Variants in KCTD20 observed in about 807,000 individuals in gnomAD.
KCTD20 encodes potassium channel tetramerization domain containing 20.
KCTD20 carries 30 observed loss-of-function variants against 39.6 expected under a neutral mutation model. The ratio of observed to expected loss-of-function variants is 0.76; its 90% CI spans 0.57 to 1.03. The LOEUF (loss-of-function observed/expected upper bound fraction) is 1.03. Ranked by LOEUF, KCTD20 falls within the 50% of genes least tolerant of loss-of-function variation. The pLI, the probability that KCTD20 is intolerant of heterozygous loss-of-function variation, is 0.00. For missense variants in KCTD20, 422 were observed against 522.0 expected (o/e 0.81, Z 1.87); for synonymous variants, 162 against 180.6 (o/e 0.90, Z 0.83).
At chr6:36,486,301 T>C (rs1776420983) in intron 7 of KCTD20, among the ~76,000 whole-genome samples, 1 of 152,198 alleles carries the variant, frequency 6.6e-6, no homozygotes, top group South Asian at 2.1e-4. Flanking sequence ...CCCATCAAAC[T>C]GTTTTACCAT....
At chr6:36,470,608 A>G (rs941974) in intron 2 of KCTD20, among the ~76,000 whole-genome samples, 2 of 151,606 alleles carry the variant, frequency 1.3e-5, no homozygotes, top group Non-Finnish European at 2.9e-5. Context: ...TTTTATTTTT[A>G]TTTTTATTTT....
rs1340468050 is a variant in KCTD20, at chr6:36,488,706, C to CT, written c.*1532dup. The CT allele has an allele frequency of 2.0e-5, 3 of 152,202 alleles. No individual in the cohort carries two copies. Among genetic ancestry groups the CT allele is most frequent in the African/African-American group, 7.2e-5 (3 of 41,444 alleles). The allele number at this position is 152,202 out of a possible 1,614,324, so 9.4% of individuals were successfully genotyped here. On this transcript the variant is annotated 3_prime_UTR_variant, in exon 8 of 8. Transcript: ENST00000373731. ...ATTTCGGATTTTTGGATTTGGGATG[C>CT]TCATCCTGTGTAGGAGAGGCTACTC...
At chr6:36,462,751 G>C (rs1275885205) in intron 1 of KCTD20, among the ~76,000 whole-genome samples, 1 of 152,130 alleles carries the variant, frequency 6.6e-6, no homozygotes, top group East Asian at 1.9e-4. Context: ...CTGTGTCTTA[G>C]GTAATACCCT....
At chr6:36,446,222 T>G (rs962045980) in intron 1 of KCTD20, among the ~76,000 whole-genome samples, 3 of 152,020 alleles carry the variant, frequency 2.0e-5, no homozygotes, top group African/African-American at 7.3e-5. Context: ...GGGACGGGAT[T>G]TCACCATGTT....
chr6:36,453,526 T>G (rs1180320526), intron 1 of KCTD20, among the ~76,000 whole-genome samples: 1 of 151,622 alleles, frequency 6.6e-6, no homozygotes, highest in African/African-American at 2.4e-5. Context: ...TGTTTTTTTT[T>G]TTTTTGAGAC....
intron 1 of KCTD20, among the ~76,000 whole-genome samples, chr6:36,466,336 G>T (rs1461418582): frequency 6.6e-6 from 1 of 151,260 alleles, no homozygotes; most frequent in African/African-American, 2.4e-5. Flanking sequence ...GGGCTGGGAT[G>T]ACAGGCATGA....
chr6:36,478,095 A>C (rs974390958), intron 3 of KCTD20, among the ~76,000 whole-genome samples: 1 of 99,844 alleles, frequency 1.0e-5, no homozygotes, highest in Non-Finnish European at 1.9e-5. Context: ...ACTCCATCTC[A>C]AAAAAAAAAA....
At chr6:36,461,367 G>T (rs188900963) in intron 1 of KCTD20, among the ~76,000 whole-genome samples, 450 of 152,294 alleles carry the variant, frequency 3.0e-3, no homozygotes, top group African/African-American at 0.01. Context: ...CACAGGAAAA[G>T]AGCATCTATT....
At chr6:36,484,032 A>C (rs1250186759) in intron 6 of KCTD20, among the ~76,000 whole-genome samples, 2 of 148,586 alleles carry the variant, frequency 1.3e-5, no homozygotes, top group African/African-American at 5.0e-5. Context: ...TTCTGCCTCC[A>C]GGGTTCAAGT....
chr6:36,476,034 G>A (rs897371460), intron 3 of KCTD20, among the ~76,000 whole-genome samples: 10 of 151,972 alleles, frequency 6.6e-5, no homozygotes, highest in African/African-American at 1.9e-4. Flanking sequence ...CCTCTTAACC[G>A]TCTCTGGCCC....
intron 1 of KCTD20, among the ~76,000 whole-genome samples, chr6:36,460,600 C>T (rs1432628753): frequency 6.6e-6 from 1 of 152,198 alleles, no homozygotes; most frequent in Non-Finnish European, 1.5e-5. Flanking sequence ...CCACCGCACC[C>T]AGCCTCACAA....
chr6:36,477,305 G>A (rs1392494284), intron 3 of KCTD20, among the ~76,000 whole-genome samples: 1 of 152,038 alleles, frequency 6.6e-6, no homozygotes, highest in Non-Finnish European at 1.5e-5. Flanking sequence ...TAATAAATGG[G>A]GGGATTATAG....
chr6:36,461,693 C>CT (rs1359654363), intron 1 of KCTD20, among the ~76,000 whole-genome samples: 1 of 152,086 alleles, frequency 6.6e-6, no homozygotes, highest in African/African-American at 2.4e-5. Flanking sequence ...CTCATATAGT[C>CT]TTTTATGTAA....
intron 3 of KCTD20, among the ~76,000 whole-genome samples, chr6:36,478,603 GC>G (rs1288820733): frequency 6.6e-6 from 1 of 152,050 alleles, no homozygotes; most frequent in East Asian, 1.9e-4. Context: ...CATTAACATA[GC>G]TGCATCTAAC....
chr6:36,460,649 C>T (rs144938873), intron 1 of KCTD20, among the ~76,000 whole-genome samples: 1 of 152,180 alleles, frequency 6.6e-6, no homozygotes, highest in African/African-American at 2.4e-5. Context: ...AAATCAACCC[C>T]CATCTGGAGG....
At chr6:36,472,563 GAAGAA>G (rs1483203092) in intron 2 of KCTD20, among the ~76,000 whole-genome samples, 1 of 151,322 alleles carries the variant, frequency 6.6e-6, no homozygotes, top group African/African-American at 2.4e-5. Context: ...AAAAGGGCTT[GAAGAA>G]AAGATAGAAA....
In KCTD20 at chr6:36,446,188, G is replaced by A. The variant is rs145781391; in HGVS notation, c.-47+3077G>A. ...ATTACAGGCGCCCGCTACCATGCCCGGCTAATTTTTTGTATTTTTAGTTGG... is the reference window on the plus strand; with the variant it reads ...ATTACAGGCGCCCGCTACCATGCCCAGCTAATTTTTTGTATTTTTAGTTGG... On this transcript the variant is annotated intron_variant, in intron 1 of 7. Coordinates refer to ENST00000373731, the MANE Select transcript of KCTD20 (RefSeq NM_173562.5). 6.3e-3 allele frequency among the ~76,000 whole-genome samples: 960 copies of A among 151,740 alleles called. 8 individuals carry two copies. The highest frequency in any genetic ancestry group is 0.021 in the African/African-American group (859 of 41,344).
intron 2 of KCTD20, among the ~76,000 whole-genome samples, chr6:36,471,581 A>G (rs1336437320): frequency 6.6e-6 from 1 of 152,196 alleles, no homozygotes; most frequent in African/African-American, 2.4e-5. Flanking sequence ...AGCTTAGGTA[A>G]CTTGCTCAGG....
chr6:36,468,927 G>C (rs925646801), intron 1 of KCTD20, among the ~76,000 whole-genome samples: 1 of 152,076 alleles, frequency 6.6e-6, no homozygotes, highest in Admixed American at 6.6e-5. Flanking sequence ...TGAAAACTTG[G>C]ATCAGGGCAT....
Sources: gnomAD v4.1 joint callset for allele counts (sites outside exome capture counted in the v4.1 genomes callset) on GRCh38, gnomAD v4.1.1 for gene constraint, MANE v1.5 for transcripts, NCBI Gene and HGNC (gene_info 2026-07-23, HGNC 2026-07-21) for gene names.